The following SCARA5 variants were observed in gnomAD, a reference collection of about 807,000 sequenced individuals.
SCARA5 encodes scavenger receptor class A, member 5 (putative).
In SCARA5, 45 loss-of-function variants were observed where a neutral mutation model predicts 46.3. That is an observed-to-expected ratio of 0.97 (90% CI 0.76 to 1.24). The LOEUF (loss-of-function observed/expected upper bound fraction) is 1.24, where lower values mean the gene tolerates loss of function less well. Among genes scored for constraint, SCARA5 ranks in the 50% most tolerant of loss-of-function variants. The probability of loss-of-function intolerance (pLI) is 0.00; values close to 1 mark genes in which losing one functional copy is unlikely to be tolerated. For synonymous variants in SCARA5, 333 were observed against 306.5 expected (o/e 1.09, Z -0.90); for missense variants, 680 against 689.0 (o/e 0.99, Z 0.15).
intron 3 of SCARA5, among the ~76,000 whole-genome samples, chr8:27,948,065 G>A (rs908555701): frequency 6.6e-6 from 1 of 152,066 alleles, no homozygotes; most frequent in Non-Finnish European, 1.5e-5. Context: ...ATGGTTGCAC[G>A]GCAATGTAAA....
intron 4 of SCARA5, among the ~76,000 whole-genome samples, chr8:27,918,661 T>TGAG (rs1356758211): frequency 7.4e-4 from 2 of 2,692 alleles, no homozygotes; most frequent in South Asian, 0.018. Flanking sequence ...AAAAGGAAGA[T>TGAG]GAGGAGGAAA....
At position 27,963,659 on chromosome 8, in the gene SCARA5, C is replaced by T. The variant is rs953343648; in HGVS notation, c.241+2755G>A. Among the ~76,000 whole-genome samples, 5 of 152,182 alleles carry T rather than the reference C, an allele frequency of 3.3e-5. No individual in the cohort carries two copies. In the South Asian group the frequency reaches 8.3e-4, roughly 25 times the overall value. The stretch of plus-strand genomic sequence containing the variant: ...CAGGTAAACTTGGATAATGCATAAA[C>T]GTGAGGTACATGTTTGCCTTTTACT... On this transcript the variant is annotated intron_variant, in intron 3 of 8. Coordinates refer to ENST00000354914, the MANE Select transcript of SCARA5 (RefSeq NM_173833.6).
intron 7 of SCARA5, among the ~76,000 whole-genome samples, chr8:27,900,135 C>A (rs1341061309): frequency 2.1e-5 from 3 of 143,992 alleles, no homozygotes; most frequent in East Asian, 4.0e-4. Context: ...AAGACTCCAT[C>A]TAAAAAAAAA....
chr8:27,966,755 A>G (rs763483014), intron 2 of SCARA5, among the ~76,000 whole-genome samples: 15 of 152,214 alleles, frequency 9.9e-5, no homozygotes, highest in South Asian at 6.2e-4. Context: ...CTCTGTGTTC[A>G]TGATCAAGCC....
chr8:27,895,828 G>C (rs1432209681), intron 7 of SCARA5, among the ~76,000 whole-genome samples: 1 of 152,146 alleles, frequency 6.6e-6, no homozygotes, highest in Non-Finnish European at 1.5e-5. Context: ...TCCCCTCTTT[G>C]TCTCCCCAGC....
intron 2 of SCARA5, among the ~76,000 whole-genome samples, chr8:27,976,950 C>T (rs929801124): frequency 6.6e-6 from 1 of 152,224 alleles, no homozygotes; most frequent in African/African-American, 2.4e-5. Flanking sequence ...CTGGCTTAGC[C>T]AGCCCCCCTG....
intron 6 of SCARA5, 139 bp downstream of exon 6, chr8:27,907,009 A>T: frequency 1.8e-6 from 1 of 547,080 alleles, no homozygotes. Flanking sequence ...AAATGCTTTA[A>T]CAAGATGAAG....
At chr8:27,960,275 C>T (rs935484926) in intron 3 of SCARA5, among the ~76,000 whole-genome samples, 5 of 151,674 alleles carry the variant, frequency 3.3e-5, no homozygotes, top group East Asian at 1.9e-4. Flanking sequence ...CTCCTGGGCT[C>T]GAGTGATCCT....
chr8:27,895,768 C>T (rs770579041), intron 7 of SCARA5, among the ~76,000 whole-genome samples: 13 of 152,286 alleles, frequency 8.5e-5, no homozygotes, highest in South Asian at 8.3e-4. Context: ...AACTATCTCC[C>T]GCATTGTCAC....
At chr8:27,906,288 C>T (rs1192426942) in intron 6 of SCARA5, among the ~76,000 whole-genome samples, 1 of 152,130 alleles carries the variant, frequency 6.6e-6, no homozygotes, top group East Asian at 1.9e-4. Context: ...AGTGATGCTA[C>T]GAGGCTTAGA....
chr8:27,897,902 T>C (rs1807090995), intron 7 of SCARA5, among the ~76,000 whole-genome samples: 1 of 152,260 alleles, frequency 6.6e-6, no homozygotes, highest in African/African-American at 2.4e-5. Flanking sequence ...TCAGTTAGCA[T>C]ATATCCAGAA....
Position 27,966,495 on chromosome 8 carries a change from A to T in SCARA5, c.160T>A (p.Ser54Thr). The stretch of plus-strand genomic sequence containing the variant: ...ACAGCATGCTTCAGGGCCGACAGGG[A>T]CCCCAGCTGGGTACAGCAGATGCTT... ...RASICCTQLG[S>T]LSALKHAVLG... Residue 54 changes from serine to threonine, a missense_variant, in exon 3 of 9, where the codon TCC (serine) becomes ACC (threonine). Coordinates refer to ENST00000354914, the MANE Select transcript of SCARA5 (RefSeq NM_173833.6). 6.2e-7 allele frequency: 1 copy of T among 1,613,856 alleles called. No individual in the cohort carries two copies. The highest frequency in any genetic ancestry group is 1.7e-4 in the Middle Eastern group (1 of 6,058).
intron 8 of SCARA5, 141 bp from the exon 9 acceptor site, chr8:27,872,211 C>G: frequency 1.4e-6 from 1 of 729,470 alleles, no homozygotes; most frequent in Non-Finnish European, 2.3e-6. Flanking sequence ...CTCCACGCCC[C>G]CCGAAGACCT....
At chr8:27,988,195 T>C (rs1808733604) in intron 1 of SCARA5, among the ~76,000 whole-genome samples, 1 of 152,146 alleles carries the variant, frequency 6.6e-6, no homozygotes, top group African/African-American at 2.4e-5. Context: ...GGAAGGAGCT[T>C]GGCTCAGTAG....
chr8:27,901,936 G>A (rs1358645123), intron 7 of SCARA5, among the ~76,000 whole-genome samples: 1 of 152,192 alleles, frequency 6.6e-6, no homozygotes, highest in Non-Finnish European at 1.5e-5. Flanking sequence ...TCCCCTATGG[G>A]CCTCTGAAAA....
At chr8:27,926,520 A>G (rs1807683440) in intron 3 of SCARA5, among the ~76,000 whole-genome samples, 1 of 152,216 alleles carries the variant, frequency 6.6e-6, no homozygotes, top group Admixed American at 6.5e-5. Flanking sequence ...TGTGTGCAGC[A>G]AACCAACATG....
intron 4 of SCARA5, among the ~76,000 whole-genome samples, chr8:27,914,190 G>C (rs57755501): frequency 0.13 from 20,136 of 152,208 alleles, 1,600 homozygotes; most frequent in East Asian, 0.35. Flanking sequence ...ATGTGCCTTT[G>C]CTCCTCCTTC....
In SCARA5 at chr8:27,869,892, G is replaced by A. The variant is rs1347774181; in HGVS notation, c.*2042C>T. ...GTGTGTAATGGAAAGCTTGTGACATGTTTTTTGCTTTATTGAAATTCTTTC... is the reference window on the plus strand; with the variant it reads ...GTGTGTAATGGAAAGCTTGTGACATATTTTTTGCTTTATTGAAATTCTTTC... On this transcript the variant is annotated 3_prime_UTR_variant, in exon 9 of 9. Transcript: ENST00000354914. 4 of 152,202 alleles carry A rather than the reference G, an allele frequency of 2.6e-5. No homozygotes were observed. The highest frequency in any genetic ancestry group is 5.9e-5 in the Non-Finnish European group (4 of 68,036). 9.4% of individuals were successfully genotyped at this position (152,202 alleles called of 1,614,324 possible).
chr8:27,954,202 G>C (rs1407679550), intron 3 of SCARA5, among the ~76,000 whole-genome samples: 1 of 152,038 alleles, frequency 6.6e-6, no homozygotes, highest in African/African-American at 2.4e-5. Flanking sequence ...CTTAAACCAG[G>C]AAAAGGACTA....
Sources: gnomAD v4.1 joint callset for allele counts (sites outside exome capture counted in the v4.1 genomes callset) on GRCh38, gnomAD v4.1.1 for gene constraint, MANE v1.5 for transcripts, NCBI Gene and HGNC (gene_info 2026-07-23, HGNC 2026-07-21) for gene names.